The following FERMT1 variants were observed in gnomAD, a reference collection of about 807,000 sequenced individuals.
FERMT1 encodes fermitin family homolog 1.
Under a neutral mutation model 85.3 loss-of-function variants are expected in FERMT1, and 60 were observed. The observed-to-expected ratio is 0.70, with a 90% CI of 0.57 to 0.87. The LOEUF is 0.87. Among genes scored for constraint, FERMT1 ranks in the 40% least tolerant of loss-of-function variants. FERMT1 has a pLI of 0.00. For synonymous variants in FERMT1, 275 were observed against 301.1 expected, an observed-to-expected ratio of 0.91 and a Z score of 0.90; for missense variants, 701 against 818.9, an observed-to-expected ratio of 0.86 and a Z score of 1.76.
chr20:6,105,119 C>T (rs575663236), intron 6 of FERMT1, among the ~76,000 whole-genome samples: 1 of 152,264 alleles, frequency 6.6e-6, no homozygotes, highest in African/African-American at 2.4e-5. Context: ...CAGTCTCTGT[C>T]TCCAAGGACT....
At chr20:6,095,674 T>G (rs1982480360) in intron 8 of FERMT1, among the ~76,000 whole-genome samples, 1 of 152,230 alleles carries the variant, frequency 6.6e-6, no homozygotes, top group African/African-American at 2.4e-5. Flanking sequence ...TCCTGTTGTA[T>G]TTATTCAGCG....
At chr20:6,084,978 C>T (rs1982120523) in intron 12 of FERMT1, 88 bp downstream of exon 12, 3 of 1,304,424 alleles carry the variant, frequency 2.3e-6, no homozygotes, top group Admixed American at 1.7e-5. Flanking sequence ...CAGGTGTGAG[C>T]CACCATGCCC....
At chr20:6,117,683 C>T (rs1428171506) in intron 2 of FERMT1, among the ~76,000 whole-genome samples, 2 of 152,134 alleles carry the variant, frequency 1.3e-5, no homozygotes, top group Non-Finnish European at 2.9e-5. Flanking sequence ...CCACCCACCT[C>T]AGCCTTCCAA....
rs1212028484 is a variant in FERMT1 at position 6,086,022 on chromosome 20, G to T, written c.1372-735C>A. 2.0e-5 allele frequency among the ~76,000 whole-genome samples: 3 copies of T among 150,604 alleles called. No homozygotes were observed. The East Asian group carries it at 5.9e-4, about 30-fold the overall frequency. On this transcript the variant is annotated intron_variant, in intron 11 of 14. Transcript: ENST00000217289. ...CCAGGCGTGGTGGCAGGCACTTGTA[G>T]TCCCAGCTACTTGGGAGGCTGAGGC...
At chr20:6,117,464 C>T (rs921012328) in intron 2 of FERMT1, among the ~76,000 whole-genome samples, 2 of 147,944 alleles carry the variant, frequency 1.4e-5, no homozygotes, top group African/African-American at 2.5e-5. Context: ...GATGGAGTCT[C>T]ACTCTGTTGC....
At chr20:6,089,734 T>C (rs1982295705) in intron 9 of FERMT1, among the ~76,000 whole-genome samples, 2 of 152,236 alleles carry the variant, frequency 1.3e-5, no homozygotes, top group Non-Finnish European at 2.9e-5. Flanking sequence ...TCTACTGTTA[T>C]TAAAAACTAT....
chr20:6,081,545 C>T (rs917865793), intron 13 of FERMT1, among the ~76,000 whole-genome samples: 3 of 151,940 alleles, frequency 2.0e-5, no homozygotes, highest in African/African-American at 7.3e-5. Context: ...CAAGAGGTGA[C>T]CTTGATGACA....
At position 6,110,313 on chromosome 20, in the gene FERMT1, G is replaced by T. The variant is rs1229922563; in HGVS notation, c.731C>A (p.Ala244Asp). 2 of 1,612,622 alleles carry T rather than the reference G, an allele frequency of 1.2e-6. No homozygotes were observed. Among genetic ancestry groups the T allele is most frequent in the African/African-American group, 2.7e-5 (2 of 74,854 alleles). Residue 244 changes from alanine (A) to aspartate (D), a missense_variant, in exon 5 of 15, where the codon GCC becomes GAC. Coordinates refer to ENST00000217289, the MANE Select transcript of FERMT1 (RefSeq NM_017671.5). ...GTGTCCTTACCCTGCATTGAGCTTG[G>T]CTTTATCAACCAGAGACCGAGGCTG... is the stretch of plus-strand genomic sequence containing the variant. ...MYQPRSLVDKAKLNAGWLDSS... is the reference protein window; with the variant it reads ...MYQPRSLVDKDKLNAGWLDSS...
chr20:6,119,623 C>T, intron 1 of FERMT1, 51 bp from the exon 2 acceptor site: 1 of 1,517,104 alleles, frequency 6.6e-7, no homozygotes, highest in Non-Finnish European at 9.0e-7. Context: ...GGAAACGGGA[C>T]TTGTCAGTAG....
rs2232068 is a variant in FERMT1, at chr20:6,094,531, A to G, written c.1139+408T>C. On this transcript the variant is annotated intron_variant, in intron 9 of 14. Coordinates refer to ENST00000217289, the MANE Select transcript of FERMT1 (RefSeq NM_017671.5). ...GTACTGAGCCTCCCAGATGGAACCT[A>G]CTAGAAGCTCTAGTATGGCGGATGT... is the stretch of plus-strand genomic sequence containing the variant. 0.09 allele frequency among the ~76,000 whole-genome samples: 13,671 copies of G among 152,252 alleles called. 782 individuals carry two copies. Among genetic ancestry groups the G allele is most frequent in the Middle Eastern group, 0.2 (59 of 294 alleles).
intron 6 of FERMT1, among the ~76,000 whole-genome samples, chr20:6,101,347 C>T (rs1452687861): frequency 6.6e-6 from 1 of 152,086 alleles, no homozygotes. Flanking sequence ...GTTTATTTAG[C>T]CTTTCCTTTG....
intron 9 of FERMT1, among the ~76,000 whole-genome samples, chr20:6,091,138 G>A (rs1408774656): frequency 1.3e-5 from 2 of 151,996 alleles, no homozygotes; most frequent in Non-Finnish European, 2.9e-5. Flanking sequence ...ACTCCAGCTT[G>A]GGTGACAGAG....
intron 6 of FERMT1, among the ~76,000 whole-genome samples, chr20:6,102,881 T>C (rs548818266): frequency 1.3e-5 from 2 of 152,234 alleles, no homozygotes; most frequent in Non-Finnish European, 2.9e-5. Context: ...CATAGTTTTC[T>C]TGCTCTTTCT....
rs145668461 is a variant in FERMT1, at chr20:6,078,719, C to T, written c.1860+717G>A. Among the ~76,000 whole-genome samples, 6 of 151,708 alleles carry T rather than the reference C, an allele frequency of 4.0e-5. No homozygotes were observed. In the East Asian group the frequency reaches 1.2e-3, roughly 30 times the overall value. On this transcript the variant is annotated intron_variant, in intron 14 of 14. Coordinates refer to ENST00000217289, the MANE Select transcript of FERMT1 (RefSeq NM_017671.5). ...CCCAGGCTGGTCTCGAACTCCCAGC[C>T]TCAAGTGATCCTTCCCACCTCGGCC...
At chr20:6,077,591 T>C (rs1981864960) in intron 14 of FERMT1, among the ~76,000 whole-genome samples, 1 of 152,226 alleles carries the variant, frequency 6.6e-6, no homozygotes, top group Non-Finnish European at 1.5e-5. Flanking sequence ...CAACACATTT[T>C]CTGTCTACAG....
At chr20:6,119,709 G>T in intron 1 of FERMT1, 137 bp from the exon 2 acceptor site, 1 of 670,196 alleles carries the variant, frequency 1.5e-6, no homozygotes. Context: ...CAAGGTTCCA[G>T]GTGCTCCAGA....
At chr20:6,079,938 A>G (rs1981946888) in intron 13 of FERMT1, among the ~76,000 whole-genome samples, 1 of 152,240 alleles carries the variant, frequency 6.6e-6, no homozygotes, top group Non-Finnish European at 1.5e-5. Flanking sequence ...TGGGAGGGAG[A>G]AGATCATAAG....
chr20:6,110,464 TGGGGTCATATATA>T lies in FERMT1; in HGVS notation c.567_579del (p.Ile190SerfsTer10). ...GTGGATGATGCTGGTGTTCCATTGA[TGGGGTCATATATA>T]GGGGTCATGGTTTTACTGTATAAAC... On this transcript the variant is annotated frameshift_variant, in exon 5 of 15. Transcript: ENST00000217289. LOFTEE classifies it high-confidence loss of function. 1 of 1,614,148 alleles carries T rather than the reference TGGGGTCATATATA, an allele frequency of 6.2e-7. No homozygotes were observed.
intron 6 of FERMT1, among the ~76,000 whole-genome samples, chr20:6,099,027 AT>A (rs1982581846): frequency 6.6e-6 from 1 of 152,380 alleles, no homozygotes; most frequent in South Asian, 2.1e-4. Flanking sequence ...AATATTCATA[AT>A]AGCCAAAAGG....
Sources: allele counts gnomAD v4.1 joint callset (sites outside exome capture counted in the v4.1 genomes callset), GRCh38; gene constraint gnomAD v4.1.1; transcripts MANE v1.5; gene names NCBI Gene and HGNC (gene_info 2026-07-23, HGNC 2026-07-21).